The following DNM3 variants were observed in gnomAD, a reference collection of about 807,000 sequenced individuals.
DNM3 encodes dynamin 3, also known as dynamin-3.
A neutral mutation model predicts 101.6 loss-of-function variants in DNM3; 47 were observed. The ratio of observed to expected loss-of-function variants is 0.46; its 90% CI spans 0.37 to 0.59. The LOEUF (loss-of-function observed/expected upper bound fraction) is 0.59, where lower values mean the gene tolerates loss of function less well. Ranked by LOEUF, DNM3 falls within the 20% of genes least tolerant of loss-of-function variation. DNM3 has a pLI of 0.00. For synonymous variants in DNM3, 385 were observed against 387.9 expected (o/e 0.99, Z 0.09); for missense variants, 849 against 1,085.7 (o/e 0.78, Z 3.06).
intron 15 of DNM3, among the ~76,000 whole-genome samples, chr1:172,257,255 A>G (rs2148699963): frequency 6.6e-6 from 1 of 152,240 alleles, no homozygotes; most frequent in Non-Finnish European, 1.5e-5. Flanking sequence ...CTGTGAATCA[A>G]ATAGACAAAG....
intron 2 of DNM3, among the ~76,000 whole-genome samples, chr1:171,967,231 C>T (rs189907634): frequency 3.9e-4 from 59 of 152,172 alleles, no homozygotes; most frequent in African/African-American, 1.3e-3. Flanking sequence ...TACAGATTTC[C>T]ACTGGAACTA....
At chr1:172,190,929 C>A (rs1474270524) in intron 14 of DNM3, among the ~76,000 whole-genome samples, 1 of 152,028 alleles carries the variant, frequency 6.6e-6, no homozygotes, top group Non-Finnish European at 1.5e-5. Context: ...TTTTGTCAGA[C>A]AGGTAGATTG....
intron 14 of DNM3, among the ~76,000 whole-genome samples, chr1:172,150,004 C>T (rs747410241): frequency 6.6e-6 from 1 of 152,014 alleles, no homozygotes; most frequent in Non-Finnish European, 1.5e-5. Flanking sequence ...GGCATACTTG[C>T]GTAATACATA....
At chr1:172,309,061 A>T in intron 16 of DNM3, 2 of 424,132 alleles carry the variant, frequency 4.7e-6, no homozygotes, top group Non-Finnish European at 8.3e-6. Flanking sequence ...TGTTAAAGAA[A>T]ATGTCCTACT....
intron 4 of DNM3, among the ~76,000 whole-genome samples, chr1:172,022,318 G>A (rs1225835558): frequency 6.6e-6 from 1 of 152,088 alleles, no homozygotes; most frequent in African/African-American, 2.4e-5. Flanking sequence ...TGCTTTCAAA[G>A]CATGATGACT....
At chr1:172,191,833 A>G (rs2148441301) in intron 14 of DNM3, among the ~76,000 whole-genome samples, 1 of 152,274 alleles carries the variant, frequency 6.6e-6, no homozygotes, top group African/African-American at 2.4e-5. Context: ...TTATTGGTGT[A>G]TAGGAATGCT....
intron 1 of DNM3, among the ~76,000 whole-genome samples, chr1:171,917,284 G>A (rs991125562): frequency 1.3e-5 from 2 of 152,234 alleles, no homozygotes; most frequent in Non-Finnish European, 2.9e-5. Flanking sequence ...TGCTGCCGGG[G>A]GGAATTTTTT....
intron 14 of DNM3, among the ~76,000 whole-genome samples, chr1:172,163,968 C>T (rs1287972059): frequency 4.6e-5 from 7 of 151,472 alleles, no homozygotes; most frequent in African/African-American, 9.7e-5. Flanking sequence ...CACACACACA[C>T]ACACACACAC....
chr1:172,109,009 T>G lies in DNM3; in HGVS notation c.1545+16134T>G, dbSNP rs145467154. ...TAATTTAAACAATTTCTAATGCCTA[T>G]AATTATTATTTGTTTGCACTATAAT... On this transcript the variant is annotated intron_variant, in intron 13 of 20. Coordinates refer to ENST00000627582, the MANE Select transcript of DNM3 (RefSeq NM_015569.5). Among the ~76,000 whole-genome samples the G allele has an allele frequency of 5.9e-3, 893 of 152,364 alleles. 10 individuals are homozygous for G. The highest frequency in any genetic ancestry group is 0.02 in the African/African-American group (845 of 41,588).
At chr1:172,407,570 C>A (rs1345739199) in intron 20 of DNM3, among the ~76,000 whole-genome samples, 2 of 151,738 alleles carry the variant, frequency 1.3e-5, no homozygotes, top group Non-Finnish European at 2.9e-5. Flanking sequence ...GAAAGATTTG[C>A]ATATGAAAAA....
intron 1 of DNM3, among the ~76,000 whole-genome samples, chr1:171,849,054 G>T (rs1440617435): frequency 6.6e-6 from 1 of 152,214 alleles, no homozygotes; most frequent in African/African-American, 2.4e-5. Context: ...CATGATAGCA[G>T]TAGCTAGGTA....
intron 14 of DNM3, among the ~76,000 whole-genome samples, chr1:172,245,202 G>C (rs2061903591): frequency 6.6e-6 from 1 of 152,142 alleles, no homozygotes; most frequent in African/African-American, 2.4e-5. Context: ...CACAACTACA[G>C]AGTAACAGGG....
At chr1:172,122,766 C>A (rs1333767398) in intron 13 of DNM3, among the ~76,000 whole-genome samples, 3 of 152,110 alleles carry the variant, frequency 2.0e-5, no homozygotes, top group African/African-American at 7.2e-5. Context: ...ACTGCTGAAT[C>A]CTCTAAGCGT....
At chr1:172,319,856 A>G (rs901719091) in intron 16 of DNM3, among the ~76,000 whole-genome samples, 1 of 152,168 alleles carries the variant, frequency 6.6e-6, no homozygotes, top group Non-Finnish European at 1.5e-5. Context: ...TAGAAATACC[A>G]TTTGACCCAG....
intron 14 of DNM3, among the ~76,000 whole-genome samples, chr1:172,223,280 T>C (rs1015456983): frequency 2.7e-5 from 4 of 150,460 alleles, no homozygotes; most frequent in African/African-American, 4.9e-5. Flanking sequence ...TTCTTTTTTT[T>C]TTTTTTTTAC....
chr1:172,097,123 C>T (rs145292855), intron 13 of DNM3, among the ~76,000 whole-genome samples: 1,954 of 152,006 alleles, frequency 0.013, 27 homozygotes, highest in African/African-American at 0.033. Context: ...GATTTAGGGC[C>T]GGGCACGGTG....
chr1:172,267,317 GA>G (rs2062901963), intron 15 of DNM3, among the ~76,000 whole-genome samples: 1 of 152,172 alleles, frequency 6.6e-6, no homozygotes, highest in Non-Finnish European at 1.5e-5. Context: ...GTTATATGGA[GA>G]AGATAGAAAT....
intron 11 of DNM3, among the ~76,000 whole-genome samples, chr1:172,074,340 A>C (rs1325936001): frequency 1.3e-5 from 2 of 152,124 alleles, no homozygotes; most frequent in African/African-American, 4.8e-5. Flanking sequence ...TTATACTTTA[A>C]GTTCTGGGAT....
intron 15 of DNM3, among the ~76,000 whole-genome samples, chr1:172,307,898 C>G (rs184038940): frequency 3.9e-5 from 6 of 152,148 alleles, no homozygotes; most frequent in Middle Eastern, 3.4e-3. Flanking sequence ...GGAGGGATAG[C>G]ATGAGGAGAA....
Sources: gnomAD v4.1 joint callset for allele counts (sites outside exome capture counted in the v4.1 genomes callset) on GRCh38, gnomAD v4.1.1 for gene constraint, MANE v1.5 for transcripts, NCBI Gene and HGNC (gene_info 2026-07-23, HGNC 2026-07-21) for gene names.